Variants in TMIGD2 observed in about 807,000 individuals in gnomAD.
TMIGD2 encodes transmembrane and immunoglobulin domain-containing protein 2.
TMIGD2 carries 18 observed loss-of-function variants against 22.6 expected under a neutral mutation model. The ratio of observed to expected loss-of-function variants is 0.80; its 90% CI spans 0.55 to 1.18. TMIGD2 has a LOEUF of 1.18. TMIGD2 is among the 50% of genes most tolerant of loss of function. The pLI, the probability that TMIGD2 is intolerant of heterozygous loss-of-function variation, is 0.00. For missense variants in TMIGD2, 361 were observed against 378.2 expected (o/e 0.95, Z 0.38); for synonymous variants, 184 against 154.1 (o/e 1.19, Z -1.44).
exon 5 of TMIGD2, chr19:4,292,351 G>A (rs781042986): frequency 1.0e-4 from 48 of 473,344 alleles, no homozygotes; most frequent in Non-Finnish European, 1.7e-4. Context: ...CCTGCTTTTT[G>A]TTTTTTTTGA....
intron 3 of TMIGD2, 42 bp downstream of exon 3, chr19:4,294,733 C>A (rs764858968): frequency 5.7e-6 from 9 of 1,568,460 alleles, no homozygotes; most frequent in Non-Finnish European, 7.8e-6. Flanking sequence ...GGTGGTGATG[C>A]GGGTGGAAGA....
intron 1 of TMIGD2, among the ~76,000 whole-genome samples, chr19:4,301,538 C>T (rs1971536301): frequency 6.6e-6 from 1 of 152,144 alleles, no homozygotes; most frequent in East Asian, 1.9e-4. Context: ...GGCGCAGTGG[C>T]GCGCGCCTGC....
At chr19:4,292,940 A>G in intron 4 of TMIGD2, 55 bp from the exon 5 acceptor site, 1 of 1,592,226 alleles carries the variant, frequency 6.3e-7, no homozygotes, top group Non-Finnish European at 8.5e-7. Context: ...TGCCCTCTCC[A>G]GCTGACCTCT....
exon 5 of TMIGD2, chr19:4,292,524 A>C (rs781460284): frequency 7.0e-7 from 1 of 1,434,512 alleles, no homozygotes; most frequent in Non-Finnish European, 9.8e-7. Flanking sequence ...GGCGTGAGCC[A>C]CCGTGTCTGG....
At chr19:4,296,646 C>T (rs535798482) in intron 2 of TMIGD2, among the ~76,000 whole-genome samples, 1 of 152,210 alleles carries the variant, frequency 6.6e-6, no homozygotes, top group Non-Finnish European at 1.5e-5. Context: ...GCCCCTTTGA[C>T]ATCAGAGGGG....
At chr19:4,298,016 C>A (rs748783499) in exon 2 of TMIGD2, 5 of 1,609,134 alleles carry the variant, frequency 3.1e-6, no homozygotes, top group Non-Finnish European at 3.4e-6. Flanking sequence ...GTTATGTTGC[C>A]CTCAGCCTCC....
chr19:4,297,164 C>A (rs1049640538), intron 2 of TMIGD2, among the ~76,000 whole-genome samples: 1 of 150,180 alleles, frequency 6.7e-6, no homozygotes, highest in Non-Finnish European at 1.5e-5. Context: ...GCAACCTCCC[C>A]CTCCCGGATT....
At chr19:4,294,713 G>T (rs150763048) in intron 3 of TMIGD2, 33 bp from the exon 4 acceptor site, 1 of 1,573,612 alleles carries the variant, frequency 6.4e-7, no homozygotes, top group African/African-American at 1.4e-5. Flanking sequence ...GTCTAATCAG[G>T]AGGGGAAGGG....
chr19:4,295,134 G>A (rs1000216130), intron 2 of TMIGD2, among the ~76,000 whole-genome samples: 4 of 151,176 alleles, frequency 2.6e-5, no homozygotes, highest in African/African-American at 4.9e-5. Context: ...TGGTGGTGGC[G>A]CCTTTAATCC....
exon 2 of TMIGD2, chr19:4,298,337 C>T (rs779663239): frequency 1.9e-6 from 3 of 1,574,010 alleles, no homozygotes; most frequent in Non-Finnish European, 2.6e-6. Flanking sequence ...CTTGAGGCTT[C>T]TTGCAGGGCT....
In TMIGD2 at chr19:4,293,051, C is replaced by T. The variant is rs1351393208; in HGVS notation, c.563-166G>A. On this transcript the variant is annotated intron_variant, in intron 4 of 4. Transcript: ENST00000301272. The stretch of plus-strand genomic sequence containing the variant: ...CAATCTCGGCTCACTGCAAGCTTCG[C>T]CTCCTGGGTTCACGCCATTCTCCTG... Among the ~76,000 whole-genome samples the T allele has an allele frequency of 2.6e-5, 4 of 151,838 alleles. No individual in the cohort carries two copies. The East Asian group carries it at 5.8e-4, about 22-fold the overall frequency.
At chr19:4,294,523 C>A in intron 4 of TMIGD2, 56 bp downstream of exon 4, 2 of 1,556,862 alleles carry the variant, frequency 1.3e-6, no homozygotes, top group South Asian at 1.1e-5. Context: ...GGGTCTTTGT[C>A]AAGCAGCTGC....
At chr19:4,292,859 A>G (rs767647501) in exon 5 of TMIGD2, 10 of 1,613,862 alleles carry the variant, frequency 6.2e-6, no homozygotes, top group South Asian at 5.5e-5. Flanking sequence ...CGGGGCCGGT[A>G]TAGGACGTTG....
exon 1 of TMIGD2, chr19:4,302,341 C>G (rs529817708): frequency 1.3e-6 from 2 of 1,574,692 alleles, no homozygotes; most frequent in South Asian, 2.3e-5. Flanking sequence ...GATACTCACC[C>G]CAGATCTGCA....
chr19:4,298,871 T>G (rs1230089768), intron 1 of TMIGD2, among the ~76,000 whole-genome samples: 1 of 152,188 alleles, frequency 6.6e-6, no homozygotes, highest in Non-Finnish European at 1.5e-5. Context: ...AATTCTGAGA[T>G]AGTCTCCAGT....
At chr19:4,298,827 T>C (rs1467531718) in intron 1 of TMIGD2, among the ~76,000 whole-genome samples, 1 of 152,120 alleles carries the variant, frequency 6.6e-6, no homozygotes, top group East Asian at 1.9e-4. Flanking sequence ...CAACCCCATC[T>C]GTAAGATGGG....
Position 4,292,947 on chromosome 19 carries a change from C to T in TMIGD2, c.563-62G>A, listed in dbSNP as rs575484627. 341 of 1,575,728 alleles carry T rather than the reference C, an allele frequency of 2.2e-4. 1 individual carries two copies. The South Asian group carries it at 3.8e-3, about 18-fold the overall frequency. ...GAGAGTCCTGCCCTCTCCAGCTGACCTCTGGGGGATCTGTCTCTTTTTTTT... is the reference window on the plus strand; with the variant it reads ...GAGAGTCCTGCCCTCTCCAGCTGACTTCTGGGGGATCTGTCTCTTTTTTTT... On this transcript the variant is annotated intron_variant, in intron 4 of 4. Coordinates refer to ENST00000301272, the Ensembl canonical transcript of TMIGD2.
chr19:4,297,543 T>C (rs958303994), intron 2 of TMIGD2, among the ~76,000 whole-genome samples: 1 of 152,154 alleles, frequency 6.6e-6, no homozygotes, highest in Non-Finnish European at 1.5e-5. Context: ...CTGATGACTT[T>C]CAATTTTGTA....
chr19:4,293,483 A>G (rs1971413995), intron 4 of TMIGD2, among the ~76,000 whole-genome samples: 1 of 149,774 alleles, frequency 6.7e-6, no homozygotes, highest in Non-Finnish European at 1.5e-5. Flanking sequence ...GCTGGTCTCG[A>G]ACTCCTGGCC....
Sources: gnomAD v4.1 joint callset for allele counts (sites outside exome capture counted in the v4.1 genomes callset) on GRCh38, gnomAD v4.1.1 for gene constraint, MANE v1.5 for transcripts, NCBI Gene and HGNC (gene_info 2026-07-23, HGNC 2026-07-21) for gene names.